The following ACYP2 variants were observed in gnomAD, a reference collection of about 807,000 sequenced individuals.
The protein encoded by ACYP2 is acylphosphatase 2.
A neutral mutation model predicts 11.2 loss-of-function variants in ACYP2; 12 were observed. The observed-to-expected ratio is 1.08, with a 90% CI of 0.69 to 1.74. The LOEUF is 1.74. ACYP2 is among the 40% of genes most tolerant of loss of function. The pLI, the probability that ACYP2 is intolerant of heterozygous loss-of-function variation, is 0.00. For missense variants in ACYP2, 134 were observed against 101.9 expected (o/e 1.31, Z -1.35); for synonymous variants, 43 against 32.2 (o/e 1.33, Z -1.13).
chr2:54,091,475 T>A (rs1453643796), intron 4 of ACYP2, among the ~76,000 whole-genome samples: 1 of 151,252 alleles, frequency 6.6e-6, no homozygotes, highest in East Asian at 1.9e-4. Flanking sequence ...TTAGAGCACA[T>A]CTCACTCTCT....
At chr2:54,060,749 C>A (rs948640654) in intron 4 of ACYP2, among the ~76,000 whole-genome samples, 24 of 152,190 alleles carry the variant, frequency 1.6e-4, no homozygotes, top group African/African-American at 5.8e-4. Context: ...TCAAATGCTT[C>A]TAAGTCCTCA....
chr2:54,296,252 T>A (rs185630569), intron 6 of ACYP2, among the ~76,000 whole-genome samples: 112 of 152,298 alleles, frequency 7.4e-4, no homozygotes, highest in Non-Finnish European at 1.3e-3. Context: ...GCTAAGTGCA[T>A]TTTAGAAGGC....
intron 6 of ACYP2, among the ~76,000 whole-genome samples, chr2:54,259,979 G>A (rs867500752): frequency 6.6e-6 from 1 of 152,188 alleles, no homozygotes; most frequent in Non-Finnish European, 1.5e-5. Flanking sequence ...TAAAGAAGCA[G>A]GTTGATGTGA....
intron 6 of ACYP2, among the ~76,000 whole-genome samples, chr2:54,179,998 A>C (rs1683636316): frequency 6.6e-6 from 1 of 152,138 alleles, no homozygotes; most frequent in African/African-American, 2.4e-5. Flanking sequence ...GGAACTTCTG[A>C]CCAACTGACT....
At chr2:53,972,278 C>T (rs1424176042) in intron 1 of ACYP2, among the ~76,000 whole-genome samples, 2 of 147,410 alleles carry the variant, frequency 1.4e-5, no homozygotes, top group Admixed American at 6.9e-5. Context: ...CCAGGGCACT[C>T]CAGCCTGGGC....
At chr2:54,105,935 G>A (rs566821793) in intron 4 of ACYP2, among the ~76,000 whole-genome samples, 13 of 151,926 alleles carry the variant, frequency 8.6e-5, no homozygotes, top group South Asian at 6.2e-4. Flanking sequence ...GAATTTTTCC[G>A]CAAAAGGCCG....
At chr2:54,124,834 C>G (rs568999462) in intron 4 of ACYP2, among the ~76,000 whole-genome samples, 1 of 152,196 alleles carries the variant, frequency 6.6e-6, no homozygotes, top group South Asian at 2.1e-4. Flanking sequence ...TCCCTAATAG[C>G]TGGGACTAGA....
chr2:54,052,848 G>T (rs1049665895), intron 3 of ACYP2, among the ~76,000 whole-genome samples: 1 of 152,184 alleles, frequency 6.6e-6, no homozygotes, highest in Non-Finnish European at 1.5e-5. Flanking sequence ...TAGTGAACAG[G>T]AAAGAAAGCA....
At chr2:54,222,518 C>G in intron 6 of ACYP2, among the ~76,000 whole-genome samples, 1 of 147,742 alleles carries the variant, frequency 6.8e-6, no homozygotes, top group East Asian at 2.0e-4. Flanking sequence ...CCACTGCACA[C>G]CAGCCTGGGT....
intron 1 of ACYP2, among the ~76,000 whole-genome samples, chr2:53,972,082 G>T (rs1340348052): frequency 6.6e-6 from 1 of 152,136 alleles, no homozygotes; most frequent in Non-Finnish European, 1.5e-5. Context: ...GGCCGAGGCG[G>T]GCGGATCACG....
At chr2:54,095,538 A>G (rs1678492377) in intron 4 of ACYP2, among the ~76,000 whole-genome samples, 4 of 147,610 alleles carry the variant, frequency 2.7e-5, no homozygotes, top group Admixed American at 2.7e-4. Flanking sequence ...TCCCTCCCGG[A>G]CGGGGCAGCT....
intron 2 of ACYP2, among the ~76,000 whole-genome samples, chr2:54,007,947 G>C (rs1673166215): frequency 6.6e-6 from 1 of 152,190 alleles, no homozygotes; most frequent in African/African-American, 2.4e-5. Context: ...TTGCTTTAAG[G>C]TTAAACTGTA....
Position 54,118,542 on chromosome 2 carries a change from T to C in ACYP2, c.278-16911T>C, listed in dbSNP as rs114327245. Reference sequence around the variant, plus strand: ...TTAGTTGACAAATGGGATTTGATTCTACATCTCTCTGACTTTAAAAGTTGT... The same window carrying C: ...TTAGTTGACAAATGGGATTTGATTCCACATCTCTCTGACTTTAAAAGTTGT... On this transcript the variant is annotated intron_variant, in intron 4 of 6. Transcript: ENST00000607452. Among the ~76,000 whole-genome samples, 291 of 152,370 alleles carry C rather than the reference T, an allele frequency of 1.9e-3. 3 individuals carry two copies. Among genetic ancestry groups the C allele is most frequent in the African/African-American group, 6.7e-3 (279 of 41,598 alleles).
At chr2:54,140,528 T>TCTCA (rs370045374) in intron 6 of ACYP2, among the ~76,000 whole-genome samples, 9 of 150,632 alleles carry the variant, frequency 6.0e-5, no homozygotes, top group African/African-American at 2.2e-4. Flanking sequence ...ATTCTCTCTC[T>TCTCA]CACACACACA....
intron 6 of ACYP2, among the ~76,000 whole-genome samples, chr2:54,201,636 C>CTTTCTTTCTTTCTTTCTCTTTCTTTCTT (rs59874821): frequency 2.1e-5 from 2 of 93,662 alleles, no homozygotes; most frequent in Admixed American, 1.1e-4. Context: ...TTCTTTCTTT[C>CTTTCTTTCTTTCTTTCTCTTTCTTTCTT]TCTTTCTTTC....
chr2:54,177,358 C>T (rs772064343), intron 6 of ACYP2, among the ~76,000 whole-genome samples: 7 of 152,110 alleles, frequency 4.6e-5, no homozygotes, highest in Non-Finnish European at 8.8e-5. Context: ...GAGGTCTTCT[C>T]CTAGAGCTAC....
At chr2:54,049,054 C>T (rs894654117) in intron 2 of ACYP2, among the ~76,000 whole-genome samples, 4 of 152,136 alleles carry the variant, frequency 2.6e-5, no homozygotes, top group Admixed American at 6.6e-5. Flanking sequence ...GTGGGAAGAT[C>T]ACTTGAGGCC....
chr2:54,090,723 C>A (rs1364735082), intron 4 of ACYP2, among the ~76,000 whole-genome samples: 1 of 152,228 alleles, frequency 6.6e-6, no homozygotes, highest in Admixed American at 6.5e-5. Flanking sequence ...CTGGACCGCT[C>A]TTCCTCTTTC....
intron 2 of ACYP2, among the ~76,000 whole-genome samples, chr2:54,041,940 G>C (rs1047465697): frequency 9.3e-5 from 14 of 151,220 alleles, no homozygotes. Flanking sequence ...ACAGGCATGA[G>C]ACACCTCACA....
Sources: allele counts gnomAD v4.1 joint callset (sites outside exome capture counted in the v4.1 genomes callset), GRCh38; gene constraint gnomAD v4.1.1; transcripts MANE v1.5; gene names NCBI Gene and HGNC (gene_info 2026-07-23, HGNC 2026-07-21).